The following CSRNP1 variants were observed in gnomAD, a reference collection of about 807,000 sequenced individuals.
CSRNP1 encodes cysteine/serine-rich nuclear protein 1.
Under a neutral mutation model 25.0 loss-of-function variants are expected in CSRNP1, and 8 were observed. The observed-to-expected ratio is 0.32, with a 90% confidence interval of 0.19 to 0.58. The LOEUF (loss-of-function observed/expected upper bound fraction) is 0.58. Ranked by LOEUF, CSRNP1 falls within the 20% of genes least tolerant of loss-of-function variation. The probability of loss-of-function intolerance (pLI) is 0.88; values close to 1 mark genes in which losing one functional copy is unlikely to be tolerated. For synonymous variants in CSRNP1, 305 were observed against 303.1 expected, an observed-to-expected ratio of 1.01 and a Z score of -0.06; for missense variants, 691 against 773.1, an observed-to-expected ratio of 0.89 and a Z score of 1.26.
intron 3 of CSRNP1, 41 bp from the exon 4 acceptor site, chr3:39,144,492 G>A: frequency 6.5e-7 from 1 of 1,550,384 alleles, no homozygotes; most frequent in Non-Finnish European, 8.7e-7. Context: ...GCACAGACAT[G>A]GACATGGGCT....
At chr3:39,150,159 A>C (rs941687908) in intron 1 of CSRNP1, 2 of 152,362 alleles carry the variant, frequency 1.3e-5, no homozygotes, top group East Asian at 3.9e-4. Flanking sequence ...CAAAGTGTGA[A>C]AAATAAATCT....
rs2039432442 is a variant in CSRNP1, at chr3:39,142,853, CCCT to C, written c.*199_*201del. 1.9e-6 allele frequency: 1 copy of C among 527,428 alleles called. No individual in the cohort carries two copies. Among genetic ancestry groups the C allele is most frequent in the Admixed American group, 3.8e-5 (1 of 26,102 alleles). 32.7% of individuals were successfully genotyped at this position (527,428 alleles called of 1,614,324 possible). On this transcript the variant is annotated 3_prime_UTR_variant, in exon 5 of 5. Transcript: ENST00000273153. ...GGCCGGGCAGCTGAAAGGGGAAGCC[CCCT>C]CCCCCCAGTCCTCTCTTCAGCACAG...
chr3:39,146,641 C>T lies in CSRNP1; in HGVS notation c.42G>A (p.Glu14=). The T allele has an allele frequency of 1.9e-6, 3 of 1,571,292 alleles. No individual in the cohort carries two copies. Among genetic ancestry groups the T allele is most frequent in the African/African-American group, 2.7e-5 (2 of 73,808 alleles). ...AGGAGGAGGAGACCGAGGAGTTGTC[C>T]TCATCCAGCTGGTCAAATTTCCTCT... ...LLKRKFDQLD[E]DNSSVSSSSS... The change falls in exon 2 of 5, where the codon GAG becomes GAA. Residue 14 remains glutamate, a synonymous_variant. Coordinates refer to ENST00000273153, the MANE Select transcript of CSRNP1 (RefSeq NM_033027.4).
At position 39,145,171 on chromosome 3, in the gene CSRNP1, G is replaced by C. The variant is rs780891431; in HGVS notation, c.291C>G (p.Cys97Trp). ...GGCTGGGCACACTGGTGAAGCCCTG[G>C]CAGCGGGGGAAGTAGAAGACGGTGA... ...DGITVFYFPR[C>W]QGFTSVPSRG... is the part of the protein sequence containing the mutation. Residue 97 changes from cysteine to tryptophan, a missense_variant, in exon 3 of 5, where the codon TGC (cysteine) becomes TGG (tryptophan). Coordinates refer to ENST00000273153, the MANE Select transcript of CSRNP1 (RefSeq NM_033027.4). 1 of 1,614,236 alleles carries C rather than the reference G, an allele frequency of 6.2e-7. No individual in the cohort carries two copies. Among genetic ancestry groups the C allele is most frequent in the South Asian group, 1.1e-5 (1 of 91,090 alleles).
At chr3:39,153,086 C>A (rs1349015784) in intron 1 of CSRNP1, 1 of 152,502 alleles carries the variant, frequency 6.6e-6, no homozygotes, top group Non-Finnish European at 1.5e-5. Context: ...AGTTCTCAGG[C>A]AACTGGGTCA....
Position 39,143,082 on chromosome 3 carries a change from T to G in CSRNP1, c.1743A>C (p.Ala581=), listed in dbSNP as rs142734319. Reference sequence around the variant, plus strand: ...ACACCGGCACAGGCTCCATTAGAGATGCTGGGACAGTGTCCTCAAACTGGC... The same window carrying G: ...ACACCGGCACAGGCTCCATTAGAGAGGCTGGGACAGTGTCCTCAAACTGGC... ...IDSQFEDTVP[A]SLMEPVPV is the part of the protein sequence containing the mutation. The change falls in exon 5 of 5, where the codon GCA becomes GCC. Residue 581 remains alanine (A), a synonymous_variant. Transcript: ENST00000273153. 7.7e-5 allele frequency: 123 copies of G among 1,601,036 alleles called. No homozygotes were observed. The African/African-American group carries it at 1.3e-3, about 17-fold the overall frequency.
chr3:39,146,735 T>A lies in CSRNP1; in HGVS notation c.-40-13A>T. 6.5e-7 allele frequency: 1 copy of A among 1,544,094 alleles called. No homozygotes were observed. Among genetic ancestry groups the A allele is most frequent in the Non-Finnish European group, 8.7e-7 (1 of 1,144,272 alleles). The stretch of plus-strand genomic sequence containing the variant: ...GGGGACAGACAGCCTGGAATAGGAA[T>A]GAGAAGGCTCTAAGTGGCAGGCAGG... On this transcript the variant is annotated splice_polypyrimidine_tract_variant and intron_variant, in intron 1 of 4. Coordinates refer to ENST00000273153, the MANE Select transcript of CSRNP1 (RefSeq NM_033027.4).
chr3:39,146,197 CG>C (rs2039507848), intron 2 of CSRNP1, among the ~76,000 whole-genome samples: 2 of 152,204 alleles, frequency 1.3e-5, no homozygotes, highest in African/African-American at 4.8e-5. Context: ...ATTGGAGAAA[CG>C]AAACTGGAAC....
rs538715292 is a variant in CSRNP1 at position 39,143,273 on chromosome 3, G to T, written c.1552C>A (p.Pro518Thr). Reference protein sequence around the residue: ...LQALPDYSLGPHYTSQKVSDS... With the variant: ...LQALPDYSLGTHYTSQKVSDS... ...GACACCTTCTGTGATGTGTAGTGAGGCCCCAGACTATAATCTGGCAGAGCC... is the reference window on the plus strand; with the variant it reads ...GACACCTTCTGTGATGTGTAGTGAGTCCCCAGACTATAATCTGGCAGAGCC... Residue 518 changes from proline to threonine, a missense_variant, in exon 5 of 5, where the codon CCT becomes ACT. Pro to Thr is a conservative substitution (Grantham distance 38, BLOSUM62 -1). Coordinates refer to ENST00000273153, the MANE Select transcript of CSRNP1 (RefSeq NM_033027.4). 6.2e-7 allele frequency: 1 copy of T among 1,614,168 alleles called. No homozygotes were observed. The highest frequency in any genetic ancestry group is 8.5e-7 in the Non-Finnish European group (1 of 1,180,006).
At position 39,145,101 on chromosome 3, in the gene CSRNP1, G is replaced by A. The variant is rs369362214; in HGVS notation, c.361C>T (p.Arg121Cys). ...LGMALRHSAC[R>C]RFSLAEFAQE... ...GCAAACTCAGCCAAAGAGAAGCGAC[G>A]GCAAGCACTGTGGCGAAGGGCCATA... The change falls in exon 3 of 5, where the codon CGT (arginine) becomes TGT (cysteine). Residue 121 changes from arginine (R) to cysteine (C), a missense_variant. By Grantham distance (180) the Arg-to-Cys change is radical. Transcript: ENST00000273153. 2.2e-5 allele frequency: 36 copies of A among 1,614,154 alleles called. No homozygotes were observed. In the South Asian group the frequency reaches 2.4e-4, roughly 11 times the overall value.
At chr3:39,151,535 G>C (rs113920353) in intron 1 of CSRNP1, 2 of 152,454 alleles carry the variant, frequency 1.3e-5, no homozygotes, top group Admixed American at 6.5e-5. Context: ...CTCAACCCAA[G>C]CCAGTCTTAG....
rs2039432173 is a variant in CSRNP1 at position 39,142,833 on chromosome 3, G to A, written c.*222C>T. 1 of 450,374 alleles carries A rather than the reference G, an allele frequency of 2.2e-6. No individual in the cohort carries two copies. The highest frequency in any genetic ancestry group is 2.0e-5 in the African/African-American group (1 of 50,344). The allele number at this position is 450,374 out of a possible 1,614,324, so 27.9% of individuals were successfully genotyped here. On this transcript the variant is annotated 3_prime_UTR_variant, in exon 5 of 5. Coordinates refer to ENST00000273153, the MANE Select transcript of CSRNP1 (RefSeq NM_033027.4). ...AGCAAGCTGTGGGTGTGGGGGGCCG[G>A]GCAGCTGAAAGGGGAAGCCCCCTCC...
rs1415582009 is a variant in CSRNP1, at chr3:39,143,308, T to G, written c.1517A>C (p.Glu506Ala). 4 of 1,614,108 alleles carry G rather than the reference T, an allele frequency of 2.5e-6. No individual in the cohort carries two copies. The highest frequency in any genetic ancestry group is 1.1e-5 in the South Asian group (1 of 91,082). The change falls in exon 5 of 5, where the codon GAG becomes GCG. Residue 506 changes from glutamate (E) to alanine (A), a missense_variant. Coordinates refer to ENST00000273153, the MANE Select transcript of CSRNP1 (RefSeq NM_033027.4). The stretch of plus-strand genomic sequence containing the variant: ...ATAATCTGGCAGAGCCTGGAGTAAC[T>G]CAAAGGAGTCACAAGAAGACAAGCT... The part of the protein sequence containing the change: ...DLSLSSCDSF[E>A]LLQALPDYSL...
chr3:39,146,847 C>T (rs1048100712), intron 1 of CSRNP1, 125 bp from the exon 2 acceptor site: 3 of 1,349,570 alleles, frequency 2.2e-6, no homozygotes, highest in African/African-American at 2.9e-5. Flanking sequence ...GCCCTCCAGC[C>T]CTGCCTGTGG....
chr3:39,149,416 A>T (rs1407776890), intron 1 of CSRNP1: 1 of 152,196 alleles, frequency 6.6e-6, no homozygotes, highest in African/African-American at 2.4e-5. Context: ...AATTGTAAAA[A>T]TTCGTCTTAT....
chr3:39,143,735 C>T lies in CSRNP1; in HGVS notation c.1090G>A (p.Gly364Ser), dbSNP rs2039455688. The T allele has an allele frequency of 1.2e-6, 2 of 1,614,124 alleles. No homozygotes were observed. The highest frequency in any genetic ancestry group is 8.5e-7 in the Non-Finnish European group (1 of 1,179,978). ...DSSTASSSASGTSEAPDCPTH... is the reference protein window; with the variant it reads ...DSSTASSSASSTSEAPDCPTH... ...GGGCAGTCAGGAGCCTCACTAGTGCCCGATGCTGATGAAGATGCTGTAGAA... is the reference window on the plus strand; with the variant it reads ...GGGCAGTCAGGAGCCTCACTAGTGCTCGATGCTGATGAAGATGCTGTAGAA... The change falls in exon 5 of 5, where the codon GGC becomes AGC. Residue 364 changes from glycine to serine, a missense_variant. Gly to Ser is a moderately conservative substitution (Grantham distance 56). Coordinates refer to ENST00000273153, the MANE Select transcript of CSRNP1 (RefSeq NM_033027.4).
At chr3:39,144,928 G>T in intron 3 of CSRNP1, 69 bp downstream of exon 3, 1 of 1,437,864 alleles carries the variant, frequency 7.0e-7, no homozygotes, top group Non-Finnish European at 9.5e-7. Flanking sequence ...CCCCTGGTAC[G>T]CCCACCCCTC....
At chr3:39,150,407 G>C (rs1229181547) in intron 1 of CSRNP1, 1 of 152,278 alleles carries the variant, frequency 6.6e-6, no homozygotes, top group Non-Finnish European at 1.5e-5. Flanking sequence ...GACCAGCCCT[G>C]CATATCGGGT....
In CSRNP1 at chr3:39,144,295, G is replaced by T. The variant is rs1451528917; in HGVS notation, c.622C>A (p.Arg208=). ...ACACCTGAAGCCCTCAGCAGAGCTC[G>T]ACGTCGCCGGGCTGGGTAGGGCTGT... ...FLQPYPARRR[R]ALLRASGVRR... The change falls in exon 4 of 5, where the codon CGA becomes AGA. Residue 208 remains arginine (R), a synonymous_variant. Transcript: ENST00000273153. The T allele has an allele frequency of 3.1e-6, 5 of 1,614,022 alleles. No homozygotes were observed. In the East Asian group the frequency reaches 1.1e-4, roughly 36 times the overall value.
Sources: allele counts gnomAD v4.1 joint callset (sites outside exome capture counted in the v4.1 genomes callset), GRCh38; gene constraint gnomAD v4.1.1; transcripts MANE v1.5; gene names NCBI Gene and HGNC (gene_info 2026-07-23, HGNC 2026-07-21).